The following NBEA variants were observed in gnomAD, a reference collection of about 807,000 sequenced individuals.
NBEA encodes lysosomal-trafficking regulator 2.
In NBEA, 44 loss-of-function variants were observed where a neutral mutation model predicts 343.4. The observed-to-expected ratio is 0.13, with a 90% CI of 0.10 to 0.16. The LOEUF is 0.16. Ranked by LOEUF, NBEA falls within the 10% of genes least tolerant of loss-of-function variation. The probability of loss-of-function intolerance (pLI) is 1.00; values close to 1 mark genes in which losing one functional copy is unlikely to be tolerated. For synonymous variants in NBEA, 1,175 were observed against 1,238.7 expected, an observed-to-expected ratio of 0.95 and a Z score of 1.08; for missense variants, 2,555 against 3,631.3, an observed-to-expected ratio of 0.70 and a Z score of 7.62.
chr13:35,648,860 T>TGGG (rs1401971661), intron 51 of NBEA, among the ~76,000 whole-genome samples: 1 of 8,666 alleles, frequency 1.2e-4, no homozygotes, highest in African/African-American at 4.9e-4. Flanking sequence ...GGGCCTGTCA[T>TGGG]GGGGGTGGGG....
chr13:35,540,753 C>T (rs2078782146), intron 41 of NBEA, among the ~76,000 whole-genome samples: 1 of 152,106 alleles, frequency 6.6e-6, no homozygotes, highest in African/African-American at 2.4e-5. Flanking sequence ...CAGTCTCTAT[C>T]CTCATTAAGT....
chr13:34,968,721 ATTTAT>A (rs956786105), intron 1 of NBEA, among the ~76,000 whole-genome samples: 3 of 152,268 alleles, frequency 2.0e-5, no homozygotes, highest in South Asian at 2.1e-4. Flanking sequence ...TGTTTCTTCT[ATTTAT>A]TTTAAACTTT....
chr13:35,180,762 G>A (rs543931267), intron 28 of NBEA, among the ~76,000 whole-genome samples: 5 of 151,788 alleles, frequency 3.3e-5, no homozygotes, highest in African/African-American at 9.6e-5. Context: ...AGACTTTGAT[G>A]CACCCATCAC....
intron 1 of NBEA, among the ~76,000 whole-genome samples, chr13:35,030,242 C>G (rs1476326693): frequency 6.6e-6 from 1 of 151,588 alleles, no homozygotes; most frequent in African/African-American, 2.4e-5. Flanking sequence ...TTTGAACCTT[C>G]AAAATCTTCT....
At chr13:35,594,130 T>C (rs1430038625) in intron 47 of NBEA, among the ~76,000 whole-genome samples, 1 of 152,140 alleles carries the variant, frequency 6.6e-6, no homozygotes, top group Non-Finnish European at 1.5e-5. Context: ...CTCATTTGTC[T>C]CATTTTTTTT....
chr13:35,609,336 TTC>T (rs1185527113), intron 48 of NBEA, among the ~76,000 whole-genome samples: 1 of 152,224 alleles, frequency 6.6e-6, no homozygotes, highest in Non-Finnish European at 1.5e-5. Flanking sequence ...GAGTACTATT[TTC>T]AGTGGTACCC....
intron 39 of NBEA, among the ~76,000 whole-genome samples, chr13:35,440,325 A>T (rs1239170326): frequency 6.6e-6 from 1 of 152,220 alleles, no homozygotes; most frequent in African/African-American, 2.4e-5. Flanking sequence ...CATGGAACTA[A>T]TTTAGATCAT....
rs189293856 is a variant in NBEA at position 35,405,217 on chromosome 13, A to G, written c.6180-27052A>G. The stretch of plus-strand genomic sequence containing the variant: ...GTAACAGTTGATGTAATTACTATTT[A>G]TTGGTGGACTCATGGCAGGCACTAG... On this transcript the variant is annotated intron_variant, in intron 38 of 58. Coordinates refer to ENST00000379939, the MANE Select transcript of NBEA (RefSeq NM_001385012.1). 3.0e-4 allele frequency among the ~76,000 whole-genome samples: 45 copies of G among 152,320 alleles called. 1 individual carries two copies. In the East Asian group the frequency reaches 8.1e-3, roughly 27 times the overall value.
chr13:35,083,047 T>G (rs1324768483), intron 10 of NBEA, among the ~76,000 whole-genome samples: 1 of 152,192 alleles, frequency 6.6e-6, no homozygotes, highest in African/African-American at 2.4e-5. Flanking sequence ...TTTTTATGGT[T>G]TTAGGTCTAA....
chr13:34,982,996 C>A (rs954147780), intron 1 of NBEA, among the ~76,000 whole-genome samples: 1 of 151,896 alleles, frequency 6.6e-6, no homozygotes, highest in African/African-American at 2.4e-5. Flanking sequence ...TTATCTGTTC[C>A]TCAGGAATTG....
At chr13:34,963,273 C>T (rs969249157) in intron 1 of NBEA, among the ~76,000 whole-genome samples, 3 of 151,886 alleles carry the variant, frequency 2.0e-5, no homozygotes, top group African/African-American at 7.3e-5. Context: ...TTGCAGATGG[C>T]CGTCTTTTCC....
At chr13:35,506,191 T>C (rs1035323191) in intron 41 of NBEA, among the ~76,000 whole-genome samples, 3 of 152,100 alleles carry the variant, frequency 2.0e-5, no homozygotes, top group African/African-American at 7.2e-5. Flanking sequence ...GCCTTCAGAG[T>C]AGCTGGGACT....
intron 31 of NBEA, among the ~76,000 whole-genome samples, chr13:35,205,396 T>G (rs1447337111): frequency 1.3e-5 from 2 of 152,272 alleles, no homozygotes; most frequent in East Asian, 3.9e-4. Flanking sequence ...TTCTTGTTGG[T>G]CCTAATTTGG....
chr13:35,287,731 C>A (rs569955026), intron 34 of NBEA, among the ~76,000 whole-genome samples: 1 of 152,056 alleles, frequency 6.6e-6, no homozygotes, highest in African/African-American at 2.4e-5. Flanking sequence ...TTATTAATGC[C>A]AAACTATTCA....
chr13:35,209,825 C>G (rs1455133627), intron 32 of NBEA, among the ~76,000 whole-genome samples: 1 of 152,024 alleles, frequency 6.6e-6, no homozygotes, highest in African/African-American at 2.4e-5. Flanking sequence ...GTAGAATGTA[C>G]TCTATTAAGA....
chr13:35,263,388 C>G (rs1285402360), intron 34 of NBEA, among the ~76,000 whole-genome samples: 1 of 152,126 alleles, frequency 6.6e-6, no homozygotes, highest in Non-Finnish European at 1.5e-5. Context: ...GACAGAAAAT[C>G]AATAAGGAAA....
chr13:35,137,377 G>A (rs1042077133), intron 17 of NBEA, among the ~76,000 whole-genome samples: 4 of 151,856 alleles, frequency 2.6e-5, no homozygotes, highest in African/African-American at 9.7e-5. Context: ...CCGAATGCAG[G>A]AGGCGGAGCT....
Position 35,058,831 on chromosome 13 carries a change from T to C in NBEA, c.1207T>C (p.Phe403Leu), listed in dbSNP as rs781509834. 6.2e-7 allele frequency: 1 copy of C among 1,607,216 alleles called. No homozygotes were observed. Among genetic ancestry groups the C allele is most frequent in the Non-Finnish European group, 8.5e-7 (1 of 1,176,550 alleles). ...TGAAGCACTCAACCCAGCACAGATA[T>C]TTGCAATTCATCAGTTAGGACCTGG... ...FSEALNPAQIFAIHQLGPGYK... is the reference protein window; with the variant it reads ...FSEALNPAQILAIHQLGPGYK... The change falls in exon 8 of 59, where the codon TTT becomes CTT. Residue 403 changes from phenylalanine to leucine, a missense_variant. Transcript: ENST00000379939.
At chr13:35,267,711 G>T (rs534686153) in intron 34 of NBEA, among the ~76,000 whole-genome samples, 1 of 150,692 alleles carries the variant, frequency 6.6e-6, no homozygotes, top group South Asian at 2.1e-4. Context: ...TTTCAAAAAA[G>T]TACATACAAA....
Sources: allele counts gnomAD v4.1 joint callset (sites outside exome capture counted in the v4.1 genomes callset), GRCh38; gene constraint gnomAD v4.1.1; transcripts MANE v1.5; gene names NCBI Gene and HGNC (gene_info 2026-07-23, HGNC 2026-07-21).